WASF2: variants seen among roughly 807,000 people sequenced by gnomAD.
WASF2 encodes the protein WASP family member 2, also known as actin-binding protein WASF2.
In WASF2, 14 loss-of-function variants were observed where a neutral mutation model predicts 45.0. The ratio of observed to expected loss-of-function variants is 0.31; its 90% CI spans 0.21 to 0.49. WASF2 has a LOEUF of 0.49. Ranked by LOEUF, WASF2 falls within the 20% of genes least tolerant of loss-of-function variation. WASF2 has a pLI of 0.99. For missense variants in WASF2, 439 were observed against 636.1 expected (o/e 0.69, Z 3.33); for synonymous variants, 200 against 236.3 (o/e 0.85, Z 1.41).
At chr1:27,474,825 A>AT (rs2017743042) in intron 1 of WASF2, among the ~76,000 whole-genome samples, 1 of 152,018 alleles carries the variant, frequency 6.6e-6, no homozygotes, top group South Asian at 2.1e-4. Context: ...GGTGACCTGC[A>AT]TCTGTAGTCC....
intron 1 of WASF2, among the ~76,000 whole-genome samples, chr1:27,440,466 G>A (rs1296911180): frequency 1.3e-5 from 2 of 151,640 alleles, no homozygotes; most frequent in African/African-American, 4.8e-5. Context: ...AGGCTGCAGT[G>A]AGCAGTGATC....
In WASF2 at chr1:27,414,920, C is replaced by A; in HGVS notation, c.581G>T (p.Arg194Leu). ...DNPNRGNVNP[R>L]KIKTRKEEWE... ...CTCTTCCTTACGTGTCTTGATTTTA[C>A]GTGGGTTTACATTCCCTCGATTTGG... The change falls in exon 6 of 9, where the codon CGT becomes CTT. Residue 194 changes from arginine (R) to leucine (L), a missense_variant. Physicochemically the swap from Arg to Leu is moderately radical, Grantham distance 102. Around this residue, in one of 5 missense-constraint regions of WASF2, gnomAD observed 23 missense variants for 69.7 expected, o/e 0.33. Transcript: ENST00000618852. This position sits in a 1 kb window ranked among gnomAD's most constrained non-coding sequence, Gnocchi z 4.1. 1 of 1,614,170 alleles carries A rather than the reference C, an allele frequency of 6.2e-7. No individual in the cohort carries two copies.
At chr1:27,452,414 G>A (rs1400156801) in intron 1 of WASF2, among the ~76,000 whole-genome samples, 1 of 152,202 alleles carries the variant, frequency 6.6e-6, no homozygotes, top group Non-Finnish European at 1.5e-5. Flanking sequence ...TTGGGAAACT[G>A]AGGCAGGAGA....
At chr1:27,454,179 ATATATATATT>A (rs1340183182) in intron 1 of WASF2, among the ~76,000 whole-genome samples, 2 of 10,294 alleles carry the variant, frequency 1.9e-4, no homozygotes, top group African/African-American at 4.7e-4. Context: ...ATATATATAT[ATATATATATT>A]TTTTTTTTTT....
intron 1 of WASF2, among the ~76,000 whole-genome samples, chr1:27,460,505 C>T (rs1192637750): frequency 6.6e-6 from 1 of 152,120 alleles, no homozygotes; most frequent in Admixed American, 6.6e-5. Flanking sequence ...CTAAACTCTG[C>T]CAAGAGGTAT....
At chr1:27,484,205 T>C (rs1204903778) in intron 1 of WASF2, among the ~76,000 whole-genome samples, 1 of 151,864 alleles carries the variant, frequency 6.6e-6, no homozygotes, top group Non-Finnish European at 1.5e-5. Flanking sequence ...AGAGAAAAAA[T>C]AATTCTTCAT....
rs761162622 is a variant in WASF2 at position 27,412,705 on chromosome 1, G to T, written c.691C>A (p.Gln231Lys). Residue 231 changes from glutamine (Q) to lysine (K), a missense_variant, in exon 7 of 9, where the codon CAG becomes AAG. By Grantham distance (53) the Gln-to-Lys change is moderately conservative (BLOSUM62 1). This residue lies in a region of WASF2 where 286 missense variants were observed against 373.5 expected (regional missense o/e 0.77). Coordinates refer to ENST00000618852, the MANE Select transcript of WASF2 (RefSeq NM_006990.5). ...TCAACACAGCCAATGCTGCCATTCTGGTACACCAAAGTGGGTGGATACCTG... is the reference window on the plus strand; with the variant it reads ...TCAACACAGCCAATGCTGCCATTCTTGTACACCAAAGTGGGTGGATACCTG... ...TSGYPPTLVY[Q>K]NGSIGCVENV... is the part of the protein sequence containing the mutation. The T allele has an allele frequency of 3.1e-6, 5 of 1,614,032 alleles. No individual in the cohort carries two copies. Among genetic ancestry groups the T allele is most frequent in the Non-Finnish European group, 4.2e-6 (5 of 1,180,028 alleles).
At chr1:27,432,387 G>A (rs933801167) in intron 1 of WASF2, among the ~76,000 whole-genome samples, 4 of 151,962 alleles carry the variant, frequency 2.6e-5, no homozygotes, top group East Asian at 1.9e-4. Context: ...GGTGGCTCAC[G>A]CCTGTAATTC....
chr1:27,470,226 T>C (rs1571159878), intron 1 of WASF2, among the ~76,000 whole-genome samples: 1 of 152,182 alleles, frequency 6.6e-6, no homozygotes, highest in Non-Finnish European at 1.5e-5. Flanking sequence ...GACCACAGAA[T>C]CTTAAATATC....
chr1:27,480,735 C>T (rs2017835335), intron 1 of WASF2, among the ~76,000 whole-genome samples: 1 of 152,104 alleles, frequency 6.6e-6, no homozygotes, highest in Non-Finnish European at 1.5e-5. Flanking sequence ...ATGTGTTGGG[C>T]CAGGTGCGGT....
chr1:27,431,430 C>CA (rs1382461141), intron 1 of WASF2, among the ~76,000 whole-genome samples: 4 of 152,150 alleles, frequency 2.6e-5, no homozygotes, highest in Non-Finnish European at 5.9e-5. Flanking sequence ...AAGAACCTTG[C>CA]AGGGCTCTGA....
intron 1 of WASF2, among the ~76,000 whole-genome samples, chr1:27,454,184 TA>T (rs1417679675): frequency 8.5e-3 from 68 of 8,012 alleles, no homozygotes; most frequent in African/African-American, 0.011. Context: ...TATATATATA[TA>T]TATTTTTTTT....
chr1:27,475,643 T>C (rs535525521), intron 1 of WASF2, among the ~76,000 whole-genome samples: 27 of 152,206 alleles, frequency 1.8e-4, no homozygotes, highest in Non-Finnish European at 3.2e-4. Flanking sequence ...TTCTGTTTTG[T>C]TTGAGAGAGT....
chr1:27,468,169 G>A (rs188264109), intron 1 of WASF2, among the ~76,000 whole-genome samples: 25 of 152,120 alleles, frequency 1.6e-4, no homozygotes, highest in Admixed American at 3.3e-4. Context: ...TTAATTAGAA[G>A]CTTGAATATT....
chr1:27,407,886 G>A lies in WASF2; in HGVS notation c.*303C>T, dbSNP rs2016701222. 3 of 278,278 alleles carry A rather than the reference G, an allele frequency of 1.1e-5. No individual in the cohort carries two copies. The highest frequency in any genetic ancestry group is 5.1e-5 in the Admixed American group (1 of 19,692). The allele number at this position is 278,278 out of a possible 1,614,324, so 17.2% of individuals were successfully genotyped here. ...GAAGCCCCATCTCCAACAGAAACCC[G>A]ATCAAAGGAATCTGCTTTGGGATTT... On this transcript the variant is annotated 3_prime_UTR_variant, in exon 9 of 9. Coordinates refer to ENST00000618852, the MANE Select transcript of WASF2 (RefSeq NM_006990.5).
intron 1 of WASF2, among the ~76,000 whole-genome samples, chr1:27,430,544 T>G (rs1319822120): frequency 6.6e-6 from 1 of 151,894 alleles, no homozygotes. Flanking sequence ...TATTTTTTTG[T>G]AGAGATGAGG....
chr1:27,481,793 C>T (rs1404794663), intron 1 of WASF2, among the ~76,000 whole-genome samples: 2 of 152,134 alleles, frequency 1.3e-5, no homozygotes, highest in African/African-American at 4.8e-5. Flanking sequence ...GCTGAGAGTA[C>T]ATCTCAGACT....
rs563102800 is a variant in WASF2 at position 27,406,204 on chromosome 1, C to T, written c.*1985G>A. 5.9e-5 allele frequency: 9 copies of T among 152,752 alleles called. No homozygotes were observed. The highest frequency in any genetic ancestry group is 1.9e-4 in the East Asian group (1 of 5,180). 9.5% of individuals were successfully genotyped at this position (152,752 alleles called of 1,614,324 possible). On this transcript the variant is annotated 3_prime_UTR_variant, in exon 9 of 9. Transcript: ENST00000618852. ...TTTAGGGTTCTGATGAAAGCACCTT[C>T]GGCTTCTAAGGTGCAGGCTGGGAAA...
At chr1:27,418,036 T>G (rs2016849619) in intron 4 of WASF2, among the ~76,000 whole-genome samples, 1 of 152,196 alleles carries the variant, frequency 6.6e-6, no homozygotes, top group African/African-American at 2.4e-5. Context: ...ATGGTTACAG[T>G]AAACTTTCAA....
Sources: gnomAD v4.1 joint callset for allele counts (sites outside exome capture counted in the v4.1 genomes callset) on GRCh38, gnomAD v4.1.1 for gene constraint, gnomAD v4.1.1 regional missense constraint, Gnocchi (gnomAD v3.1) non-coding constraint, MANE v1.5 for transcripts, NCBI Gene and HGNC (gene_info 2026-07-23, HGNC 2026-07-21) for gene names.